Variants in MAF observed in about 807,000 individuals in gnomAD.
MAF encodes the protein MAF bZIP transcription factor.
MAF carries 10 observed loss-of-function variants against 22.0 expected under a neutral mutation model. The observed-to-expected ratio is 0.45, with a 90% CI of 0.28 to 0.77. The LOEUF is 0.77. Ranked by LOEUF, MAF falls within the 30% of genes least tolerant of loss-of-function variation. The pLI, the probability that MAF is intolerant of heterozygous loss-of-function variation, is 0.12. For synonymous variants in MAF, 337 were observed against 255.8 expected, an observed-to-expected ratio of 1.32 and a Z score of -3.03; for missense variants, 544 against 548.4, an observed-to-expected ratio of 0.99 and a Z score of 0.08.
chr16:79,568,801 G>C, the MAF span, among the ~76,000 whole-genome samples: 2 of 152,188 alleles, frequency 1.3e-5, no homozygotes, highest in Non-Finnish European at 2.9e-5. Context: ...ATCAAGGCCT[G>C]TGTAAACATC....
the MAF span, among the ~76,000 whole-genome samples, chr16:79,256,858 G>A: frequency 6.7e-6 from 1 of 150,256 alleles, no homozygotes; most frequent in African/African-American, 2.5e-5. Flanking sequence ...AGAACTACAC[G>A]CACACAAACA....
At chr16:79,379,328 G>C in the MAF span, among the ~76,000 whole-genome samples, 1 of 152,182 alleles carries the variant, frequency 6.6e-6, no homozygotes, top group Non-Finnish European at 1.5e-5. Flanking sequence ...ATGTTGCCTT[G>C]GGTGTGTCAG....
At chr16:79,291,676 G>A in the MAF span, among the ~76,000 whole-genome samples, 4 of 151,044 alleles carry the variant, frequency 2.6e-5, no homozygotes, top group African/African-American at 9.8e-5. Context: ...CTACCCATGA[G>A]TTATTGGGTA....
At chr16:79,290,011 C>A in the MAF span, among the ~76,000 whole-genome samples, 2 of 151,954 alleles carry the variant, frequency 1.3e-5, no homozygotes, top group Non-Finnish European at 2.9e-5. Context: ...CGCCTGCCAC[C>A]ACGCCCAACT....
At chr16:79,594,929 C>T in intron 1 of MAF, 1 of 1,136,034 alleles carries the variant, frequency 8.8e-7, no homozygotes, top group South Asian at 3.1e-5. Flanking sequence ...TATCAAAATG[C>T]TTAATTCTAC....
chr16:79,597,984 G>A, intron 1 of MAF: 2 of 1,042,112 alleles, frequency 1.9e-6, no homozygotes, highest in Non-Finnish European at 2.3e-6. Flanking sequence ...CACCCAGAAG[G>A]TTGATGCAGG....
chr16:79,594,832 C>G, intron 1 of MAF: 2 of 1,243,178 alleles, frequency 1.6e-6, no homozygotes, highest in East Asian at 7.1e-5. Flanking sequence ...CCACTCAAAC[C>G]TCATTTTTGC....
the MAF span, among the ~76,000 whole-genome samples, chr16:79,366,579 G>A: frequency 3.9e-5 from 6 of 152,204 alleles, no homozygotes; most frequent in African/African-American, 1.4e-4. Flanking sequence ...GTACCTGTGT[G>A]ACTTACTTTG....
At chr16:79,548,525 A>G in the MAF span, among the ~76,000 whole-genome samples, 2 of 152,248 alleles carry the variant, frequency 1.3e-5, no homozygotes, top group Non-Finnish European at 2.9e-5. Flanking sequence ...AAACAATTCT[A>G]CAAGAAAGTG....
chr16:79,554,114 CAAACAAACAAACAAAA>C, the MAF span, among the ~76,000 whole-genome samples: 141 of 132,610 alleles, frequency 1.1e-3, no homozygotes, highest in African/African-American at 2.7e-3. Flanking sequence ...AACAAACAAA[CAAACAAACAAACAAAA>C]CCACCAAACC....
chr16:79,402,764 G>A, the MAF span, among the ~76,000 whole-genome samples: 119 of 152,236 alleles, frequency 7.8e-4, no homozygotes, highest in African/African-American at 2.8e-3. Context: ...CAATGACGCT[G>A]GATTAGGACA....
chr16:79,411,419 T>A, the MAF span, among the ~76,000 whole-genome samples: 1 of 152,200 alleles, frequency 6.6e-6, no homozygotes, highest in Non-Finnish European at 1.5e-5. Context: ...CCTTTTATTT[T>A]GTGTAACCAA....
chr16:79,598,678 G>A (rs1475278850), intron 1 of MAF, 107 bp downstream of exon 1: 2 of 1,557,114 alleles, frequency 1.3e-6, no homozygotes, highest in Admixed American at 3.8e-5. Flanking sequence ...GGTGGGGGTG[G>A]TGAGGTGGTG....
the MAF span, among the ~76,000 whole-genome samples, chr16:79,243,250 C>T: frequency 1.3e-5 from 2 of 151,702 alleles, no homozygotes; most frequent in Non-Finnish European, 2.9e-5. Flanking sequence ...AAAAAAAATC[C>T]GTGAATCCAG....
At chr16:79,561,700 T>C in the MAF span, among the ~76,000 whole-genome samples, 1 of 152,026 alleles carries the variant, frequency 6.6e-6, no homozygotes, top group Admixed American at 6.6e-5. Flanking sequence ...CTACAATGTC[T>C]TGAGGAGAAG....
At chr16:79,210,774 T>TGTCA in the MAF span, among the ~76,000 whole-genome samples, 1 of 152,146 alleles carries the variant, frequency 6.6e-6, no homozygotes, top group African/African-American at 2.4e-5. Flanking sequence ...GACAGTATTC[T>TGTCA]GTCAGTTTGG....
chr16:79,441,664 C>A, the MAF span, among the ~76,000 whole-genome samples: 1 of 152,122 alleles, frequency 6.6e-6, no homozygotes, highest in Non-Finnish European at 1.5e-5. Flanking sequence ...AGTGGCCTGC[C>A]CTGGCTCAGA....
At chr16:79,278,609 G>C in the MAF span, among the ~76,000 whole-genome samples, 1 of 152,184 alleles carries the variant, frequency 6.6e-6, no homozygotes, top group Non-Finnish European at 1.5e-5. Flanking sequence ...TTCCGTGTCT[G>C]TGTCTGAAAG....
chr16:79,276,033 C>T, the MAF span, among the ~76,000 whole-genome samples: 276 of 152,000 alleles, frequency 1.8e-3, 3 homozygotes, highest in African/African-American at 6.3e-3. Flanking sequence ...CCCACCTACT[C>T]GGGAGGCTGA....
Sources: gnomAD v4.1 joint callset for allele counts (sites outside exome capture counted in the v4.1 genomes callset) on GRCh38, gnomAD v4.1.1 for gene constraint, MANE v1.5 for transcripts, NCBI Gene and HGNC (gene_info 2026-07-23, HGNC 2026-07-21) for gene names.